Variants in TSPAN15 observed in about 807,000 individuals in gnomAD.
TSPAN15 encodes tetraspanin-15.
In TSPAN15, 20 loss-of-function variants were observed where a neutral mutation model predicts 34.5. The ratio of observed to expected loss-of-function variants is 0.58; its 90% CI spans 0.41 to 0.84. The LOEUF is 0.84. Ranked by LOEUF, TSPAN15 falls within the 40% of genes least tolerant of loss-of-function variation. The pLI is 0.00. For synonymous variants in TSPAN15, 155 were observed against 153.9 expected (o/e 1.01, Z -0.05); for missense variants, 313 against 386.1 (o/e 0.81, Z 1.59).
At chr10:69,466,204 G>A (rs760735343) in intron 1 of TSPAN15, among the ~76,000 whole-genome samples, 1 of 152,214 alleles carries the variant, frequency 6.6e-6, no homozygotes, top group Non-Finnish European at 1.5e-5. Context: ...GAGAAGTCTT[G>A]TTCCTGATGA....
chr10:69,504,560 T>G, intron 6 of TSPAN15, 75 bp downstream of exon 6: 1 of 1,490,296 alleles, frequency 6.7e-7, no homozygotes, highest in South Asian at 1.2e-5. Flanking sequence ...GAGGGGTTTA[T>G]TGAGGTCGGG....
the TSPAN15 span, among the ~76,000 whole-genome samples, chr10:69,513,366 T>C: frequency 6.6e-6 from 1 of 152,208 alleles, no homozygotes; most frequent in Non-Finnish European, 1.5e-5. Context: ...GTAGCTTGTC[T>C]TGTTCTCTCT....
chr10:69,501,577 G>A (rs1307279724), intron 5 of TSPAN15, among the ~76,000 whole-genome samples: 1 of 152,240 alleles, frequency 6.6e-6, no homozygotes, highest in African/African-American at 2.4e-5. Flanking sequence ...AATCAGGACT[G>A]TGGGAATTGT....
At chr10:69,505,971 A>G in intron 6 of TSPAN15, 153 bp from the exon 7 acceptor site, 1 of 623,602 alleles carries the variant, frequency 1.6e-6, no homozygotes, top group Non-Finnish European at 2.8e-6. Flanking sequence ...TAAGAATCAG[A>G]ATCTAGGGTC....
intron 3 of TSPAN15, among the ~76,000 whole-genome samples, chr10:69,492,896 T>G (rs1363119577): frequency 2.0e-5 from 3 of 152,178 alleles, no homozygotes; most frequent in Non-Finnish European, 4.4e-5. Flanking sequence ...GGGCCAGGAC[T>G]GTGTCTGTGG....
At chr10:69,463,086 C>A (rs1191717555) in intron 1 of TSPAN15, among the ~76,000 whole-genome samples, 3 of 152,172 alleles carry the variant, frequency 2.0e-5, no homozygotes, top group Non-Finnish European at 2.9e-5. Context: ...TGGTTGTCTT[C>A]AAAACATTCT....
the TSPAN15 span, among the ~76,000 whole-genome samples, chr10:69,546,099 C>G: frequency 1.3e-5 from 2 of 152,228 alleles, no homozygotes; most frequent in African/African-American, 4.8e-5. Context: ...TCTTCACCTC[C>G]TTGTGGCATT....
chr10:69,514,339 A>T, the TSPAN15 span, among the ~76,000 whole-genome samples: 2 of 152,104 alleles, frequency 1.3e-5, no homozygotes, highest in East Asian at 3.8e-4. Context: ...AATCTTTGTC[A>T]CATTTTGGTA....
At chr10:69,531,629 T>C in the TSPAN15 span, among the ~76,000 whole-genome samples, 1 of 151,388 alleles carries the variant, frequency 6.6e-6, no homozygotes. Flanking sequence ...CCCAAAGTAT[T>C]GTAAGAAAAA....
chr10:69,545,203 C>T, the TSPAN15 span, among the ~76,000 whole-genome samples: 1 of 152,166 alleles, frequency 6.6e-6, no homozygotes, highest in Non-Finnish European at 1.5e-5. Context: ...GAGATTCAGG[C>T]CAAGTGGGAA....
chr10:69,495,605 C>T lies in TSPAN15; in HGVS notation c.369C>T (p.Phe123=), dbSNP rs1842063091. The T allele has an allele frequency of 6.2e-7, 1 of 1,612,732 alleles. No homozygotes were observed. Among genetic ancestry groups the T allele is most frequent in the Admixed American group, 1.7e-5 (1 of 60,026 alleles). ...CTCCTTTTGAATAGACCATTGACTT[C>T]CTGAACGACAACATTCGAAGAGGAA... ...ALTFRNQTID[F]LNDNIRRGIE... Residue 123 remains phenylalanine, a synonymous_variant, in exon 4 of 8, where the codon TTC becomes TTT. Transcript: ENST00000373290.
chr10:69,494,257 G>A (rs577807074), intron 3 of TSPAN15, among the ~76,000 whole-genome samples: 2 of 152,292 alleles, frequency 1.3e-5, no homozygotes, highest in South Asian at 2.1e-4. Context: ...GGTTTCCCAC[G>A]GGATTTGTTT....
chr10:69,546,765 A>T, the TSPAN15 span, among the ~76,000 whole-genome samples: 1 of 152,140 alleles, frequency 6.6e-6, no homozygotes, highest in South Asian at 2.1e-4. Flanking sequence ...TTTGACATAG[A>T]TCCCTAACAA....
chr10:69,527,849 A>AG, the TSPAN15 span, among the ~76,000 whole-genome samples: 3 of 147,794 alleles, frequency 2.0e-5, 1 homozygote, highest in South Asian at 6.4e-4. Flanking sequence ...TAGGAAAATT[A>AG]GGGGGGTGAC....
chr10:69,466,628 C>T (rs562937112), intron 1 of TSPAN15, among the ~76,000 whole-genome samples: 4 of 152,234 alleles, frequency 2.6e-5, no homozygotes, highest in South Asian at 4.1e-4. Flanking sequence ...AACCTGACCA[C>T]GTGGAGACGT....
chr10:69,543,373 C>G, the TSPAN15 span, among the ~76,000 whole-genome samples: 2 of 152,210 alleles, frequency 1.3e-5, no homozygotes, highest in African/African-American at 4.8e-5. Flanking sequence ...CCTTCCTCCC[C>G]TTCCTGAACC....
At chr10:69,470,718 C>G (rs1281266030) in intron 1 of TSPAN15, among the ~76,000 whole-genome samples, 4 of 152,182 alleles carry the variant, frequency 2.6e-5, no homozygotes, top group Admixed American at 2.0e-4. Context: ...AAGACCCCAT[C>G]TCAATTATTT....
intron 1 of TSPAN15, among the ~76,000 whole-genome samples, chr10:69,466,524 G>A (rs369507237): frequency 2.7e-5 from 4 of 150,502 alleles, no homozygotes; most frequent in East Asian, 2.0e-4. Context: ...TGTAGATCTT[G>A]ATTAGTTTAG....
At chr10:69,481,978 C>T (rs1173299088) in intron 1 of TSPAN15, among the ~76,000 whole-genome samples, 1 of 152,048 alleles carries the variant, frequency 6.6e-6, no homozygotes, top group Non-Finnish European at 1.5e-5. Context: ...GATTCTACTT[C>T]CTCAGTGTCA....
Sources: allele counts gnomAD v4.1 joint callset (sites outside exome capture counted in the v4.1 genomes callset), GRCh38; gene constraint gnomAD v4.1.1; transcripts MANE v1.5; gene names NCBI Gene and HGNC (gene_info 2026-07-23, HGNC 2026-07-21).